The following GPHN variants were observed in gnomAD, a reference collection of about 807,000 sequenced individuals.
GPHN encodes gephyrin.
A neutral mutation model predicts 95.5 loss-of-function variants in GPHN; 17 were observed. The ratio of observed to expected loss-of-function variants is 0.18; its 90% CI spans 0.12 to 0.27. The LOEUF (loss-of-function observed/expected upper bound fraction) is 0.27, where lower values mean the gene tolerates loss of function less well. Among genes scored for constraint, GPHN ranks in the 10% least tolerant of loss-of-function variants. The pLI is 1.00. For missense variants in GPHN, 660 were observed against 978.1 expected (o/e 0.67, Z 4.34); for synonymous variants, 320 against 322.5 (o/e 0.99, Z 0.08).
chr14:67,350,757 A>G, the GPHN span: 3 of 1,420,614 alleles, frequency 2.1e-6, no homozygotes, highest in African/African-American at 4.2e-5. Flanking sequence ...CATCATAATT[A>G]TGTTCCTTTA....
chr14:66,890,189 A>T (rs1285781324), intron 5 of GPHN, among the ~76,000 whole-genome samples: 1 of 152,192 alleles, frequency 6.6e-6, no homozygotes, highest in Non-Finnish European at 1.5e-5. Context: ...AGGTGGATGG[A>T]TCACTTGAGC....
chr14:66,979,771 G>A (rs1184551377), intron 9 of GPHN, among the ~76,000 whole-genome samples: 2 of 152,172 alleles, frequency 1.3e-5, no homozygotes, highest in East Asian at 3.9e-4. Flanking sequence ...GGCTGTGTCA[G>A]CGTTCAGCAT....
At chr14:67,089,116 T>TTTTTTTTG in intron 12 of GPHN, 41 bp downstream of exon 12, 1 of 701,120 alleles carries the variant, frequency 1.4e-6, no homozygotes, top group East Asian at 2.9e-5. Flanking sequence ...AGGCACTGTA[T>TTTTTTTTG]TTTTTTTTCT....
chr14:67,199,881 C>T, the GPHN span: 87 of 1,488,588 alleles, frequency 5.8e-5, no homozygotes, highest in African/African-American at 1.0e-3. Context: ...CAGGACATGG[C>T]CCCCCATCGG....
At chr14:66,919,719 C>T (rs2066103867) in intron 6 of GPHN, among the ~76,000 whole-genome samples, 1 of 152,086 alleles carries the variant, frequency 6.6e-6, no homozygotes, top group African/African-American at 2.4e-5. Context: ...CCTCCTGAGC[C>T]CACTTTCTGC....
chr14:67,663,393 G>C, the GPHN span, among the ~76,000 whole-genome samples: 1 of 152,072 alleles, frequency 6.6e-6, no homozygotes, highest in Non-Finnish European at 1.5e-5. Context: ...AAGTGACAAG[G>C]CTGGGCACGG....
chr14:66,732,619 C>T (rs76111441), intron 2 of GPHN, among the ~76,000 whole-genome samples: 5 of 152,188 alleles, frequency 3.3e-5, no homozygotes, highest in Admixed American at 1.3e-4. Context: ...CCGGTTCAAG[C>T]GATTCTTCTG....
chr14:67,389,754 C>A, the GPHN span, among the ~76,000 whole-genome samples: 2 of 150,312 alleles, frequency 1.3e-5, no homozygotes, highest in Non-Finnish European at 3.0e-5. Flanking sequence ...GAGTTAAATA[C>A]AAAACTAAAG....
chr14:67,341,271 C>T, the GPHN span, among the ~76,000 whole-genome samples: 4 of 151,776 alleles, frequency 2.6e-5, no homozygotes, highest in African/African-American at 4.8e-5. Flanking sequence ...ATGTGGGGAG[C>T]GCCTCTGCCC....
the GPHN span, chr14:67,569,251 C>T: frequency 2.0e-6 from 3 of 1,504,330 alleles, no homozygotes; most frequent in South Asian, 2.3e-5. Flanking sequence ...GCACCAAACA[C>T]CCAAGGTGGG....
At chr14:67,321,160 G>A in the GPHN span, 1 of 1,614,062 alleles carries the variant, frequency 6.2e-7, no homozygotes, top group Non-Finnish European at 8.5e-7. Context: ...AGTTCATTGA[G>A]CATGGTGAAT....
intron 9 of GPHN, among the ~76,000 whole-genome samples, chr14:67,013,201 A>G (rs939333283): frequency 1.3e-5 from 2 of 151,954 alleles, no homozygotes; most frequent in African/African-American, 4.8e-5. Context: ...ATTGAATAGT[A>G]TTATCTTGAT....
chr14:67,529,073 G>A, the GPHN span, among the ~76,000 whole-genome samples: 1 of 151,962 alleles, frequency 6.6e-6, no homozygotes, highest in South Asian at 2.1e-4. Context: ...ACACCTTCAA[G>A]TTCCCTCCTC....
the GPHN span, among the ~76,000 whole-genome samples, chr14:67,284,548 A>G: frequency 2.2e-5 from 1 of 46,334 alleles, no homozygotes; most frequent in Non-Finnish European, 3.7e-5. Flanking sequence ...CTGCAGTGCT[A>G]AAAAAAAAAA....
chr14:66,889,164 G>A (rs1398642492), intron 5 of GPHN, among the ~76,000 whole-genome samples: 1 of 152,054 alleles, frequency 6.6e-6, no homozygotes, highest in Non-Finnish European at 1.5e-5. Context: ...AATTCAATAT[G>A]CCACATTCAA....
At chr14:67,107,798 G>T (rs2078132671) in intron 13 of GPHN, among the ~76,000 whole-genome samples, 1 of 152,160 alleles carries the variant, frequency 6.6e-6, no homozygotes, top group Non-Finnish European at 1.5e-5. Context: ...CCCAGAGAGG[G>T]GGGTATCTCA....
the GPHN span, among the ~76,000 whole-genome samples, chr14:67,720,520 T>C: frequency 1.1e-4 from 16 of 152,236 alleles, no homozygotes; most frequent in African/African-American, 3.9e-4. Flanking sequence ...AGGATCAAGT[T>C]TGCTTTTTCC....
At chr14:67,644,934 G>A in the GPHN span, among the ~76,000 whole-genome samples, 5 of 151,362 alleles carry the variant, frequency 3.3e-5, no homozygotes, top group Admixed American at 1.3e-4. Context: ...GGAGGCGGAC[G>A]TTGTAGTGAG....
At chr14:67,353,654 TA>T in the GPHN span, 1 of 151,518 alleles carries the variant, frequency 6.6e-6, no homozygotes, top group Non-Finnish European at 1.5e-5. Context: ...AGCCCAGCTA[TA>T]TTTTTTTGTA....
Sources: allele counts gnomAD v4.1 joint callset (sites outside exome capture counted in the v4.1 genomes callset), GRCh38; gene constraint gnomAD v4.1.1; transcripts MANE v1.5; gene names NCBI Gene and HGNC (gene_info 2026-07-23, HGNC 2026-07-21).